SLC30A7: variants seen among roughly 807,000 people sequenced by gnomAD.
SLC30A7 encodes solute carrier family 30 member 7, also known as zinc transporter 7.
A neutral mutation model predicts 46.0 loss-of-function variants in SLC30A7; 35 were observed. The ratio of observed to expected loss-of-function variants is 0.76; its 90% CI spans 0.58 to 1.01. SLC30A7 has a LOEUF of 1.01. SLC30A7 is among the 50% of genes least tolerant of loss of function. The pLI, the probability that SLC30A7 is intolerant of heterozygous loss-of-function variation, is 0.00. For synonymous variants in SLC30A7, 147 were observed against 157.8 expected (o/e 0.93, Z 0.51); for missense variants, 464 against 451.1 (o/e 1.03, Z -0.26).
chr1:100,950,456 G>A (rs1286107054), intron 8 of SLC30A7, among the ~76,000 whole-genome samples: 1 of 152,170 alleles, frequency 6.6e-6, no homozygotes, highest in Non-Finnish European at 1.5e-5. Context: ...TCAGCATGGA[G>A]TTTGGGCCCA....
At chr1:100,937,893 A>G (rs557271397) in intron 8 of SLC30A7, among the ~76,000 whole-genome samples, 1 of 152,106 alleles carries the variant, frequency 6.6e-6, no homozygotes, top group Non-Finnish European at 1.5e-5. Context: ...CTTACATTTT[A>G]TTCTGAGTTA....
At chr1:100,913,827 A>G in intron 6 of SLC30A7, 21 bp downstream of exon 6, 1 of 1,588,082 alleles carries the variant, frequency 6.3e-7, no homozygotes. Flanking sequence ...CCTAGAGACA[A>G]ATGGACAGCC....
At chr1:100,909,937 C>T (rs1346566760) in intron 3 of SLC30A7, among the ~76,000 whole-genome samples, 1 of 151,214 alleles carries the variant, frequency 6.6e-6, no homozygotes. Context: ...ATGCTGGTTG[C>T]AAATTATTTG....
At chr1:100,936,348 A>G (rs1440700027) in intron 8 of SLC30A7, among the ~76,000 whole-genome samples, 1 of 152,226 alleles carries the variant, frequency 6.6e-6, no homozygotes, top group Non-Finnish European at 1.5e-5. Context: ...TTCAGAAAGT[A>G]TATGGGTATC....
downstream of SLC30A7, among the ~76,000 whole-genome samples, chr1:100,986,087 T>C (rs7523594): frequency 0.097 from 14,697 of 152,188 alleles, 782 homozygotes; most frequent in Middle Eastern, 0.2. Context: ...TCATTAGGTA[T>C]TGGGAAATAC....
Position 100,977,231 on chromosome 1 carries a change from T to C in SLC30A7, c.*2374T>C, listed in dbSNP as rs1346684253. The C allele has an allele frequency of 6.6e-6, 1 of 152,198 alleles. No individual in the cohort carries two copies. The highest frequency in any genetic ancestry group is 2.4e-5 in the African/African-American group (1 of 41,462). 9.4% of individuals were successfully genotyped at this position (152,198 alleles called of 1,614,324 possible). ...GAGCCCTCCATTCCAAGTTTAGTTTTTGTCAAAATATGAATCATTTTATTT... is the reference window on the plus strand; with the variant it reads ...GAGCCCTCCATTCCAAGTTTAGTTTCTGTCAAAATATGAATCATTTTATTT... On this transcript the variant is annotated 3_prime_UTR_variant, in exon 11 of 11. Transcript: ENST00000357650.
chr1:100,947,937 T>C (rs1408342474), intron 8 of SLC30A7, among the ~76,000 whole-genome samples: 2 of 152,212 alleles, frequency 1.3e-5, no homozygotes, highest in Admixed American at 1.3e-4. Flanking sequence ...TGAGCCGATA[T>C]GTGTCTCTGC....
At chr1:100,946,818 A>T (rs1222434034) in intron 8 of SLC30A7, among the ~76,000 whole-genome samples, 1 of 152,056 alleles carries the variant, frequency 6.6e-6, no homozygotes, top group Non-Finnish European at 1.5e-5. Context: ...GTTAGGGAGG[A>T]TGCCCTCTTT....
the SLC30A7 span, chr1:100,992,577 T>C: frequency 3.3e-6 from 4 of 1,220,320 alleles, no homozygotes; most frequent in African/African-American, 3.0e-5. Context: ...TTAAGTCATA[T>C]ACACATCTAA....
At chr1:100,896,533 A>T in intron 1 of SLC30A7, 37 bp from the exon 2 acceptor site, 1 of 1,590,738 alleles carries the variant, frequency 6.3e-7, no homozygotes, top group African/African-American at 1.3e-5. Flanking sequence ...GCACCTCCTT[A>T]ACTCTCCCGG....
intron 8 of SLC30A7, among the ~76,000 whole-genome samples, chr1:100,926,359 G>C (rs1166721710): frequency 6.6e-6 from 1 of 152,172 alleles, no homozygotes; most frequent in African/African-American, 2.4e-5. Flanking sequence ...GCTGGCATCT[G>C]CTTAGCTCCT....
At chr1:100,951,606 C>T (rs963183497) in intron 8 of SLC30A7, among the ~76,000 whole-genome samples, 7 of 152,168 alleles carry the variant, frequency 4.6e-5, no homozygotes, top group African/African-American at 4.8e-5. Flanking sequence ...TCATGCCAGG[C>T]TCGTGGTAAC....
intron 8 of SLC30A7, among the ~76,000 whole-genome samples, chr1:100,925,599 G>A (rs1434081213): frequency 6.6e-6 from 1 of 152,090 alleles, no homozygotes; most frequent in African/African-American, 2.4e-5. Context: ...ATAAATGTGT[G>A]GGTCAGGGTT....
intron 10 of SLC30A7, among the ~76,000 whole-genome samples, chr1:100,974,040 G>A (rs966287453): frequency 3.9e-5 from 6 of 152,132 alleles, no homozygotes; most frequent in South Asian, 2.1e-4. Context: ...AAAGAAGAGC[G>A]GAGATGGGGA....
At chr1:100,983,915 A>C (rs986388209), downstream of SLC30A7, among the ~76,000 whole-genome samples, 2 of 152,234 alleles carry the variant, frequency 1.3e-5, no homozygotes, top group African/African-American at 4.8e-5. Flanking sequence ...ACCCTAGACA[A>C]TAAGTTAGAT....
At chr1:100,968,482 T>C (rs556575040) in intron 10 of SLC30A7, among the ~76,000 whole-genome samples, 1 of 152,078 alleles carries the variant, frequency 6.6e-6, no homozygotes, top group Non-Finnish European at 1.5e-5. Flanking sequence ...AAAATGTTTT[T>C]TTCCAAAGTA....
intron 8 of SLC30A7, among the ~76,000 whole-genome samples, chr1:100,932,895 C>T (rs2101047381): frequency 6.6e-6 from 1 of 152,196 alleles, no homozygotes; most frequent in South Asian, 2.1e-4. Flanking sequence ...GGTTAAAGAG[C>T]TCTGTCATCT....
intron 8 of SLC30A7, among the ~76,000 whole-genome samples, chr1:100,953,760 T>C (rs1426461165): frequency 6.6e-6 from 1 of 152,246 alleles, no homozygotes; most frequent in Non-Finnish European, 1.5e-5. Context: ...GACTTTAGTC[T>C]CTTCCCATTT....
At chr1:100,989,056 T>C in the SLC30A7 span, among the ~76,000 whole-genome samples, 2 of 152,116 alleles carry the variant, frequency 1.3e-5, no homozygotes, top group Non-Finnish European at 2.9e-5. Context: ...ATGGAAATAC[T>C]TAGAGTTGAA....
Sources: allele counts gnomAD v4.1 joint callset (sites outside exome capture counted in the v4.1 genomes callset), GRCh38; gene constraint gnomAD v4.1.1; transcripts MANE v1.5; gene names NCBI Gene and HGNC (gene_info 2026-07-23, HGNC 2026-07-21).